The following TRIM37 variants were observed in gnomAD, a reference collection of about 807,000 sequenced individuals.
TRIM37 encodes the protein tripartite motif containing 37.
In TRIM37, 80 loss-of-function variants were observed where a neutral mutation model predicts 129.8. That is an observed-to-expected ratio of 0.62 (90% confidence interval 0.51 to 0.74). The LOEUF (loss-of-function observed/expected upper bound fraction) is 0.74. Ranked by LOEUF, TRIM37 falls within the 30% of genes least tolerant of loss-of-function variation. The pLI is 0.00. For synonymous variants in TRIM37, 389 were observed against 387.1 expected, an observed-to-expected ratio of 1.00 and a Z score of -0.06; for missense variants, 1,054 against 1,176.5, an observed-to-expected ratio of 0.90 and a Z score of 1.52.
intron 13 of TRIM37, among the ~76,000 whole-genome samples, chr17:59,056,089 A>T (rs1424492451): frequency 6.6e-6 from 1 of 152,210 alleles, no homozygotes; most frequent in Non-Finnish European, 1.5e-5. Flanking sequence ...AAGTGAAAAA[A>T]ATCAGCACTT....
chr17:58,988,420 C>A (rs1000226176), intron 24 of TRIM37, among the ~76,000 whole-genome samples: 6 of 152,136 alleles, frequency 3.9e-5, no homozygotes, highest in Admixed American at 1.3e-4. Context: ...AGCACAAATA[C>A]TGTTGCCGTC....
intron 18 of TRIM37, among the ~76,000 whole-genome samples, chr17:59,031,206 ATTGAT>A (rs2037810409): frequency 6.6e-6 from 1 of 152,222 alleles, no homozygotes; most frequent in Admixed American, 6.5e-5. Flanking sequence ...GTTCTAAATC[ATTGAT>A]TTGATGTATA....
intron 9 of TRIM37, among the ~76,000 whole-genome samples, chr17:59,068,715 G>A (rs1369272199): frequency 6.6e-6 from 1 of 152,184 alleles, no homozygotes. Flanking sequence ...TAATCAAAAA[G>A]AAAGGAAGAC....
chr17:59,015,833 G>A (rs1307731084), intron 20 of TRIM37, 34 bp from the exon 21 acceptor site: 1 of 1,606,340 alleles, frequency 6.2e-7, no homozygotes, highest in Admixed American at 1.7e-5. Context: ...ACAAAAATTA[G>A]CTGGGCATGG....
chr17:59,006,541 T>C (rs1016228336), intron 22 of TRIM37, among the ~76,000 whole-genome samples: 1 of 152,176 alleles, frequency 6.6e-6, no homozygotes, highest in African/African-American at 2.4e-5. Flanking sequence ...GTTCAGGTAT[T>C]TTCCCTTACC....
intron 5 of TRIM37, among the ~76,000 whole-genome samples, chr17:59,083,515 A>G (rs990413000): frequency 6.6e-6 from 1 of 152,188 alleles, no homozygotes; most frequent in Non-Finnish European, 1.5e-5. Flanking sequence ...GCTAACTTCA[A>G]TGCTTCAGGC....
At position 59,041,802 on chromosome 17, in the gene TRIM37, G is replaced by C. The variant is rs750528203; in HGVS notation, c.1753+11C>G. On this transcript the variant is annotated intron_variant, in intron 17 of 23. Coordinates refer to ENST00000262294, the MANE Select transcript of TRIM37 (RefSeq NM_015294.6). ...CAGAATGGCTTGGAGGCAGTGGAGT[G>C]ACCTCATTACCTGCGGGTCCTGCAG... The C allele has an allele frequency of 1.9e-6, 3 of 1,606,696 alleles. No homozygotes were observed. Among genetic ancestry groups the C allele is most frequent in the East Asian group, 4.5e-5 (2 of 44,820 alleles).
exon 25 of TRIM37, chr17:58,982,714 G>GT (rs1181153616): frequency 7.7e-6 from 4 of 516,180 alleles, no homozygotes; most frequent in African/African-American, 7.7e-5. Flanking sequence ...TTCAGTATTT[G>GT]TTTTCTCTTG....
rs747789036 is a variant in TRIM37, at chr17:58,999,406, A to C, written c.2866T>G (p.Phe956Val). ...CTTCCACTATTTTCATCTGTATTGAAGCTGAGATCTTCAGGGCCTATTTGT... is the reference window on the plus strand; with the variant it reads ...CTTCCACTATTTTCATCTGTATTGACGCTGAGATCTTCAGGGCCTATTTGT... ...GEQIGPEDLS[F>V]NTDENSGR The change falls in exon 24 of 24, where the codon TTC (phenylalanine) becomes GTC (valine). Residue 956 changes from phenylalanine to valine, a missense_variant. Around this residue, in one of 3 missense-constraint regions of TRIM37, gnomAD observed 287 missense variants for 274.3 expected, o/e 1.05. Coordinates refer to ENST00000262294, the MANE Select transcript of TRIM37 (RefSeq NM_015294.6). 2 of 1,613,962 alleles carry C rather than the reference A, an allele frequency of 1.2e-6. No homozygotes were observed. Among genetic ancestry groups the C allele is most frequent in the South Asian group, 2.2e-5 (2 of 91,080 alleles).
chr17:59,038,988 C>T (rs2038853011), intron 17 of TRIM37, among the ~76,000 whole-genome samples: 1 of 152,124 alleles, frequency 6.6e-6, no homozygotes, highest in Admixed American at 6.5e-5. Flanking sequence ...GTAACTTTCT[C>T]CTGATAGGAG....
chr17:58,985,597 C>T (rs60258442), intron 24 of TRIM37, among the ~76,000 whole-genome samples: 1,698 of 152,244 alleles, frequency 0.011, 34 homozygotes, highest in African/African-American at 0.039. Flanking sequence ...TGGTGGAAAG[C>T]CTCCCAAGGA....
chr17:58,990,912 C>T (rs974480849), intron 24 of TRIM37, among the ~76,000 whole-genome samples: 4 of 149,536 alleles, frequency 2.7e-5, no homozygotes, highest in Admixed American at 6.7e-5. Context: ...CGGTGGCTCA[C>T]GGCTATAATC....
At chr17:59,102,073 A>G (rs1430882003) in intron 2 of TRIM37, among the ~76,000 whole-genome samples, 1 of 152,234 alleles carries the variant, frequency 6.6e-6, no homozygotes, top group African/African-American at 2.4e-5. Context: ...GATCTTGAAC[A>G]AAGTTCAAGA....
At position 59,031,968 on chromosome 17, in the gene TRIM37, T is replaced by C. The variant is rs764939775; in HGVS notation, c.1876A>G (p.Lys626Glu). ...AAATTTTCTATACTGCTCCGGTCCT[T>C]AAGGTCCAACAAATGTATTAAAATT... ...PLILIHLLDLKDRSSIENLWG... is the reference protein window; with the variant it reads ...PLILIHLLDLEDRSSIENLWG... The change falls in exon 18 of 24, where the codon AAG becomes GAG. Residue 626 changes from lysine (K) to glutamate (E), a missense_variant. By Grantham distance (56) the Lys-to-Glu change is moderately conservative. This residue lies in a region of TRIM37 where 752 missense variants were observed against 870.8 expected (regional missense o/e 0.86). Transcript: ENST00000262294. The C allele has an allele frequency of 4.3e-6, 7 of 1,614,056 alleles. No individual in the cohort carries two copies. In the Admixed American group the frequency reaches 6.7e-5, roughly 15 times the overall value.
chr17:59,017,163 C>CA (rs2036049299), intron 20 of TRIM37, 133 bp downstream of exon 20: 3 of 1,212,420 alleles, frequency 2.5e-6, no homozygotes, highest in Non-Finnish European at 2.4e-6. Flanking sequence ...GACCCTGTTT[C>CA]AAAAAAAGAA....
intron 9 of TRIM37, among the ~76,000 whole-genome samples, chr17:59,067,660 C>A (rs143199292): frequency 6.6e-6 from 1 of 152,270 alleles, no homozygotes; most frequent in African/African-American, 2.4e-5. Flanking sequence ...CCTCAGCCTC[C>A]GGAGTAGCTG....
downstream of TRIM37, among the ~76,000 whole-genome samples, chr17:58,993,798 GAT>G (rs60093812): frequency 0.056 from 8,510 of 152,148 alleles, 738 homozygotes; most frequent in African/African-American, 0.19. Context: ...AATTAACCAG[GAT>G]ATGTGGGGGA....
downstream of TRIM37, among the ~76,000 whole-genome samples, chr17:58,979,730 G>A (rs1169699211): frequency 6.6e-6 from 1 of 152,208 alleles, no homozygotes; most frequent in African/African-American, 2.4e-5. Context: ...CAGATTCAGA[G>A]TCTAAGCTAG....
intron 22 of TRIM37, 101 bp downstream of exon 22, chr17:59,012,227 G>GCAGCAGCAGCAGCAGCAGCAGCACCAC (rs72443487): frequency 4.4e-4 from 269 of 611,952 alleles, no homozygotes; most frequent in African/African-American, 3.9e-3. Context: ...AGCAGCAGCA[G>GCAGCAGCAGCAGCAGCAGCAGCACCAC]CACCACCACC....
Sources: gnomAD v4.1 joint callset for allele counts (sites outside exome capture counted in the v4.1 genomes callset) on GRCh38, gnomAD v4.1.1 for gene constraint, gnomAD v4.1.1 regional missense constraint, MANE v1.5 for transcripts, NCBI Gene and HGNC (gene_info 2026-07-23, HGNC 2026-07-21) for gene names.